ARHGEF12: variants seen among roughly 807,000 people sequenced by gnomAD.
The protein encoded by ARHGEF12 is KMT2A/ARHGEF12 fusion protein.
ARHGEF12 carries 66 observed loss-of-function variants against 211.2 expected under a neutral mutation model. That is an observed-to-expected ratio of 0.31 (90% CI 0.26 to 0.38). The LOEUF (loss-of-function observed/expected upper bound fraction) is 0.38, where lower values mean the gene tolerates loss of function less well. ARHGEF12 is among the 10% of genes least tolerant of loss of function. ARHGEF12 has a pLI of 1.00. For synonymous variants in ARHGEF12, 592 were observed against 638.4 expected (o/e 0.93, Z 1.09); for missense variants, 1,429 against 1,869.5 (o/e 0.76, Z 4.34).
chr11:120,485,838 C>A lies in ARHGEF12; in HGVS notation c.*761C>A, dbSNP rs1947383381. ...TAGGAATCCTCAACATACTAAATAG[C>A]AGGCACTTGAAAATGGGTGTGTTTT... On this transcript the variant is annotated 3_prime_UTR_variant, in exon 41 of 41. Transcript: ENST00000397843. 5 of 233,392 alleles carry A rather than the reference C, an allele frequency of 2.1e-5. No homozygotes were observed. The highest frequency in any genetic ancestry group is 3.4e-5 in the Non-Finnish European group (4 of 117,920). 14.5% of individuals were successfully genotyped at this position (233,392 alleles called of 1,614,324 possible).
intron 1 of ARHGEF12, among the ~76,000 whole-genome samples, chr11:120,357,954 A>C (rs61898359): frequency 1.3e-5 from 2 of 152,158 alleles, no homozygotes. Flanking sequence ...TAGAGCATGG[A>C]GGTTGATGAT....
chr11:120,373,705 GT>G (rs1033589730), intron 1 of ARHGEF12, among the ~76,000 whole-genome samples: 3 of 151,552 alleles, frequency 2.0e-5, no homozygotes, highest in Middle Eastern at 3.4e-3. Flanking sequence ...CCCCTTCTAT[GT>G]TTTTTTCCCC....
At chr11:120,343,301 A>C (rs1942591719) in intron 1 of ARHGEF12, among the ~76,000 whole-genome samples, 1 of 152,174 alleles carries the variant, frequency 6.6e-6, no homozygotes, top group Admixed American at 6.5e-5. Flanking sequence ...TAATATTAAT[A>C]TTTTGTATTT....
At chr11:120,388,572 T>C (rs1160225072) in intron 1 of ARHGEF12, among the ~76,000 whole-genome samples, 2 of 152,232 alleles carry the variant, frequency 1.3e-5, no homozygotes, top group Non-Finnish European at 1.5e-5. Flanking sequence ...CTGTATTGTG[T>C]TACATTCCCA....
At chr11:120,380,280 C>T (rs964929696) in intron 1 of ARHGEF12, among the ~76,000 whole-genome samples, 1 of 152,156 alleles carries the variant, frequency 6.6e-6, no homozygotes, top group African/African-American at 2.4e-5. Flanking sequence ...TGACATCTTA[C>T]ATTATTGTGG....
At chr11:120,445,570 G>A (rs1357893996) in intron 16 of ARHGEF12, 106 bp downstream of exon 16, 1 of 1,100,502 alleles carries the variant, frequency 9.1e-7, no homozygotes, top group Non-Finnish European at 1.4e-6. Flanking sequence ...TCGATCACCT[G>A]AATCACAACA....
chr11:120,436,699 T>C (rs1352540487), intron 11 of ARHGEF12, among the ~76,000 whole-genome samples: 1 of 152,192 alleles, frequency 6.6e-6, no homozygotes, highest in Non-Finnish European at 1.5e-5. Context: ...ATTTATGCTG[T>C]ATTAGGTATT....
rs902800510 is a variant in ARHGEF12, at chr11:120,339,399, T to C, written c.32+2124T>C. ...CTCTGCCAAGGTGTCTTAACAAAGT[T>C]ACGAGTATATAATAGTTTCTAGCTT... On this transcript the variant is annotated intron_variant, in intron 1 of 40. Coordinates refer to ENST00000397843, the MANE Select transcript of ARHGEF12 (RefSeq NM_015313.3). Among the ~76,000 whole-genome samples, 10 of 152,202 alleles carry C rather than the reference T, an allele frequency of 6.6e-5. No individual in the cohort carries two copies. The East Asian group carries it at 1.9e-3, about 29-fold the overall frequency.
chr11:120,404,549 C>T (rs188390799), intron 1 of ARHGEF12, among the ~76,000 whole-genome samples: 13 of 152,182 alleles, frequency 8.5e-5, no homozygotes, highest in Admixed American at 6.5e-4. Context: ...TTTCTCATTC[C>T]GTTTTTGTCC....
At chr11:120,396,195 C>CA (rs1944377683) in intron 1 of ARHGEF12, among the ~76,000 whole-genome samples, 1 of 152,046 alleles carries the variant, frequency 6.6e-6, no homozygotes, top group Admixed American at 6.6e-5. Context: ...GATTAGAACT[C>CA]AAAGTCTAAA....
rs772799606 is a variant in ARHGEF12, at chr11:120,465,242, C to T, written c.2619C>T (p.Ser873=). The change falls in exon 28 of 41, where the codon AGC becomes AGT. Residue 873 remains serine, a synonymous_variant. Transcript: ENST00000397843. ...QIGEDLLTWF[S]GPGEEKLKHA... The stretch of plus-strand genomic sequence containing the variant: ...TCTTTGCATTCTTGGCACAGTTCAG[C>T]GGACCAGGAGAGGAGAAATTGAAAC... 3.5e-5 allele frequency: 57 copies of T among 1,614,040 alleles called. No individual in the cohort carries two copies. The highest frequency in any genetic ancestry group is 2.3e-4 in the African/African-American group (17 of 74,984).
At chr11:120,343,685 C>A (rs117570443) in intron 1 of ARHGEF12, among the ~76,000 whole-genome samples, 1 of 152,240 alleles carries the variant, frequency 6.6e-6, no homozygotes, top group East Asian at 1.9e-4. Context: ...ATCTACTGGC[C>A]AATGAAAAGT....
At chr11:120,380,289 G>C (rs961118270) in intron 1 of ARHGEF12, among the ~76,000 whole-genome samples, 1 of 152,056 alleles carries the variant, frequency 6.6e-6, no homozygotes, top group Non-Finnish European at 1.5e-5. Context: ...ACATTATTGT[G>C]GTATATCTGT....
At chr11:120,447,157 G>T in intron 18 of ARHGEF12, 72 bp downstream of exon 18, 2 of 1,502,728 alleles carry the variant, frequency 1.3e-6, no homozygotes, top group South Asian at 2.9e-5. Context: ...TGTCCTTTGG[G>T]TAGGTTTAGA....
chr11:120,480,188 C>T lies in ARHGEF12; in HGVS notation c.3995C>T (p.Thr1332Ile). ...IATCYSPRTS[T>I]ESFAPRDSVG... Reference sequence around the variant, plus strand: ...ACTTGTTACAGTCCACGGACTTCAACTGAATCTTTTGCTCCACGGGATTCA... The same window carrying T: ...ACTTGTTACAGTCCACGGACTTCAATTGAATCTTTTGCTCCACGGGATTCA... Residue 1332 changes from threonine to isoleucine, a missense_variant, in exon 38 of 41, where the codon ACT becomes ATT. By Grantham distance (89) the Thr-to-Ile change is moderately conservative. Coordinates refer to ENST00000397843, the MANE Select transcript of ARHGEF12 (RefSeq NM_015313.3). 1.2e-6 allele frequency: 2 copies of T among 1,614,224 alleles called. No homozygotes were observed. The highest frequency in any genetic ancestry group is 2.2e-5 in the East Asian group (1 of 44,888).
At chr11:120,451,367 C>T (rs1591609521) in intron 21 of ARHGEF12, 145 bp from the exon 22 acceptor site, 16 of 641,850 alleles carry the variant, frequency 2.5e-5, no homozygotes, top group South Asian at 1.8e-4. Context: ...TTAATAGAGA[C>T]GGGGTTTCAC....
chr11:120,404,463 A>C (rs1944633636), intron 1 of ARHGEF12, among the ~76,000 whole-genome samples: 1 of 152,220 alleles, frequency 6.6e-6, no homozygotes, highest in Non-Finnish European at 1.5e-5. Context: ...ATTATTTGAG[A>C]CGTTCTTAAT....
In ARHGEF12 at chr11:120,489,584, A is replaced by G; in HGVS notation, c.*4507A>G. ...CTCGCTTACTTTGGGCATTTGCTGT[A>G]TTTTGGTTTTGAAATACTTGTAATT... On this transcript the variant is annotated 3_prime_UTR_variant, in exon 41 of 41. Transcript: ENST00000397843. 1 of 216,592 alleles carries G rather than the reference A, an allele frequency of 4.6e-6. No individual in the cohort carries two copies. 13.4% of individuals were successfully genotyped at this position (216,592 alleles called of 1,614,324 possible). A position where few individuals can be genotyped will look rare whatever the true frequency, so the allele number is the denominator to read the frequency against.
chr11:120,369,305 G>C (rs1048833934), intron 1 of ARHGEF12, among the ~76,000 whole-genome samples: 1 of 151,664 alleles, frequency 6.6e-6, no homozygotes, highest in South Asian at 2.1e-4. Context: ...ATTTTTATAT[G>C]TTTAGTAGAG....
Sources: allele counts gnomAD v4.1 joint callset (sites outside exome capture counted in the v4.1 genomes callset), GRCh38; gene constraint gnomAD v4.1.1; transcripts MANE v1.5; gene names NCBI Gene and HGNC (gene_info 2026-07-23, HGNC 2026-07-21).